Variants in ENG observed in about 807,000 individuals in gnomAD.
ENG encodes endoglin.
ENG carries 17 observed loss-of-function variants against 71.0 expected under a neutral mutation model. The ratio of observed to expected loss-of-function variants is 0.24; its 90% CI spans 0.16 to 0.36. ENG has a LOEUF of 0.36. ENG is among the 10% of genes least tolerant of loss of function. The pLI is 1.00. For missense variants in ENG, 749 were observed against 868.3 expected, an observed-to-expected ratio of 0.86 and a Z score of 1.73; for synonymous variants, 360 against 366.9, an observed-to-expected ratio of 0.98 and a Z score of 0.21.
chr9:127,820,556 C>CG (rs1374981595), intron 8 of ENG, among the ~76,000 whole-genome samples: 1 of 150,994 alleles, frequency 6.6e-6, no homozygotes, highest in African/African-American at 2.4e-5. Context: ...AGGCCGGGTA[C>CG]GGTGGCTCAC....
In ENG at chr9:127,825,048, G is replaced by T. The variant is rs1830573313; in HGVS notation, c.817-74C>A. On this transcript the variant is annotated intron_variant, in intron 6 of 14. Coordinates refer to ENST00000373203, the MANE Select transcript of ENG (RefSeq NM_001114753.3). ...GCCACAGCAGGCCAGCCAGGGTTATGCCAGGCCTCGGTCCTGCTGTGTCCC... is the reference window on the plus strand; with the variant it reads ...GCCACAGCAGGCCAGCCAGGGTTATTCCAGGCCTCGGTCCTGCTGTGTCCC... The T allele has an allele frequency of 1.5e-5, 24 of 1,588,546 alleles. 1 individual carries two copies. The South Asian group carries it at 2.7e-4, about 18-fold the overall frequency.
At chr9:127,831,387 T>C (rs933577078) in intron 2 of ENG, among the ~76,000 whole-genome samples, 4 of 150,380 alleles carry the variant, frequency 2.7e-5, no homozygotes, top group East Asian at 2.0e-4. Context: ...GCTTTTTTTT[T>C]TTTTCTTTTT....
chr9:127,817,532 T>C (rs1474394187), intron 12 of ENG, among the ~76,000 whole-genome samples: 3 of 152,154 alleles, frequency 2.0e-5, no homozygotes, highest in East Asian at 3.9e-4. Context: ...AGGCTCACTC[T>C]GGCTGGAGGG....
intron 1 of ENG, among the ~76,000 whole-genome samples, chr9:127,853,410 G>A (rs1011115984): frequency 5.9e-5 from 9 of 152,166 alleles, no homozygotes; most frequent in African/African-American, 9.7e-5. Flanking sequence ...ACCGGCCAGC[G>A]GCTTGAGGTG....
intron 8 of ENG, chr9:127,822,368 T>C (rs1278182000): frequency 2.6e-5 from 4 of 152,162 alleles, no homozygotes; most frequent in Non-Finnish European, 5.9e-5. Flanking sequence ...TGAGGTGTTC[T>C]CGTAAATCAG....
At chr9:127,816,790 GGCAAGGCCA>G (rs1830329946) in intron 13 of ENG, 1 of 388,410 alleles carries the variant, frequency 2.6e-6, no homozygotes, top group Admixed American at 3.7e-5. Context: ...CCTCAAGGAA[GGCAAGGCCA>G]GCACCCACCC....
At chr9:127,842,955 C>T in intron 2 of ENG, 139 bp downstream of exon 2, 1 of 1,374,198 alleles carries the variant, frequency 7.3e-7, no homozygotes. Context: ...CTGTGAGATG[C>T]CCACATCACT....
At chr9:127,819,862 C>G (rs1308571082) in intron 9 of ENG, 38 bp downstream of exon 9, 16 of 1,614,158 alleles carry the variant, frequency 9.9e-6, no homozygotes, top group Non-Finnish European at 1.1e-5. Context: ...GGGCACCAAC[C>G]AGGCTGGTCC....
chr9:127,847,488 C>G (rs1253448508), intron 1 of ENG, among the ~76,000 whole-genome samples: 1 of 151,976 alleles, frequency 6.6e-6, no homozygotes, highest in African/African-American at 2.4e-5. Context: ...GATAGAGTCT[C>G]ACTCTGTCAC....
chr9:127,816,707 C>G (rs566037267), intron 13 of ENG: 1 of 279,138 alleles, frequency 3.6e-6, no homozygotes, highest in African/African-American at 2.2e-5. Flanking sequence ...TGTCGGGACT[C>G]TTCTGCCTGG....
At chr9:127,825,403 G>A (rs1411441543) in intron 5 of ENG, 46 bp from the exon 6 acceptor site, 1 of 1,603,614 alleles carries the variant, frequency 6.2e-7, no homozygotes, top group East Asian at 2.2e-5. Flanking sequence ...GGACAGGCCA[G>A]GCGGGGAGCG....
chr9:127,820,099 C>T, intron 8 of ENG, 62 bp from the exon 9 acceptor site: 4 of 1,588,700 alleles, frequency 2.5e-6, no homozygotes, highest in East Asian at 2.2e-5. Context: ...TGCCACACCC[C>T]AGCACCAAGG....
chr9:127,815,213 CAGTT>C lies in ENG; in HGVS notation c.*465_*468del, dbSNP rs41514846. The C allele has an allele frequency of 0.071, 11,046 of 156,490 alleles. 438 individuals are homozygous for C. The highest frequency in any genetic ancestry group is 0.2 in the South Asian group (976 of 4,992). 9.7% of individuals were successfully genotyped at this position (156,490 alleles called of 1,614,324 possible). A position where few individuals can be genotyped will look rare whatever the true frequency, so the allele number is the denominator to read the frequency against. Reference sequence around the variant, plus strand: ...TCCGCTAGGCTCCTGTCTCCCCTGCCAGTTAGTTAGGCAAGTTCAGGTGTGGAGG... The same window carrying C: ...TCCGCTAGGCTCCTGTCTCCCCTGCCAGTTAGGCAAGTTCAGGTGTGGAGG... On this transcript the variant is annotated 3_prime_UTR_variant, in exon 15 of 15. Transcript: ENST00000373203.
chr9:127,825,412 C>G, intron 5 of ENG, 55 bp from the exon 6 acceptor site: 1 of 1,600,850 alleles, frequency 6.2e-7, no homozygotes, highest in South Asian at 1.1e-5. Context: ...AGGCGGGGAG[C>G]GAGGCCTGGC....
Position 127,851,662 on chromosome 9 carries a change from C to T in ENG, c.67+2627G>A, listed in dbSNP as rs560222489. Among the ~76,000 whole-genome samples the T allele has an allele frequency of 1.2e-4, 19 of 152,026 alleles. No homozygotes were observed. In the South Asian group the frequency reaches 3.5e-3, roughly 28 times the overall value. On this transcript the variant is annotated intron_variant, in intron 1 of 14. Coordinates refer to ENST00000373203, the MANE Select transcript of ENG (RefSeq NM_001114753.3). ...TTGGGAGGCTGAGGCAGGCGTATCA[C>T]GAGGTCAAGAGTTCGAGGCCAGCCT...
chr9:127,819,207 G>C, intron 10 of ENG: 1 of 333,606 alleles, frequency 3.0e-6, no homozygotes, highest in Non-Finnish European at 5.7e-6. Context: ...AAAGTGCTGC[G>C]ATTACAGGCG....
chr9:127,837,987 G>A (rs1398348286), intron 2 of ENG, among the ~76,000 whole-genome samples: 3 of 151,996 alleles, frequency 2.0e-5, no homozygotes, highest in Non-Finnish European at 4.4e-5. Flanking sequence ...ACAAATGGCA[G>A]CCTCTGGCCC....
At chr9:127,825,672 CA>C (rs1401730889) in intron 5 of ENG, 22 bp downstream of exon 5, 4 of 1,517,418 alleles carry the variant, frequency 2.6e-6, no homozygotes, top group African/African-American at 3.0e-5. Context: ...GGACTAGTGT[CA>C]GGGGCGGGGC....
intron 2 of ENG, among the ~76,000 whole-genome samples, chr9:127,842,145 G>C (rs1334809828): frequency 6.6e-6 from 1 of 152,126 alleles, no homozygotes; most frequent in African/African-American, 2.4e-5. Flanking sequence ...TTGGATCTCT[G>C]AGGGTCACAG....
Sources: allele counts gnomAD v4.1 joint callset (sites outside exome capture counted in the v4.1 genomes callset), GRCh38; gene constraint gnomAD v4.1.1; transcripts MANE v1.5; gene names NCBI Gene and HGNC (gene_info 2026-07-23, HGNC 2026-07-21).